Variants in ZBTB38 observed in about 807,000 individuals in gnomAD.
The protein encoded by ZBTB38 is zinc finger and BTB domain-containing protein 38.
ZBTB38 carries 20 observed loss-of-function variants against 76.8 expected under a neutral mutation model. The observed-to-expected ratio is 0.26, with a 90% CI of 0.18 to 0.38. The LOEUF (loss-of-function observed/expected upper bound fraction) is 0.38, where lower values mean the gene tolerates loss of function less well. Ranked by LOEUF, ZBTB38 falls within the 10% of genes least tolerant of loss-of-function variation. The pLI, the probability that ZBTB38 is intolerant of heterozygous loss-of-function variation, is 1.00. For synonymous variants in ZBTB38, 504 were observed against 544.2 expected, an observed-to-expected ratio of 0.93 and a Z score of 1.03; for missense variants, 1,082 against 1,482.3, an observed-to-expected ratio of 0.73 and a Z score of 4.43.
At chr3:141,425,455 G>C (rs2076207523) in intron 5 of ZBTB38, among the ~76,000 whole-genome samples, 1 of 152,208 alleles carries the variant, frequency 6.6e-6, no homozygotes, top group Non-Finnish European at 1.5e-5. Context: ...GGAAAATACT[G>C]AATTTCCCTT....
intron 1 of ZBTB38, among the ~76,000 whole-genome samples, chr3:141,333,110 G>A (rs79600090): frequency 0.019 from 2,926 of 152,290 alleles, 54 homozygotes; most frequent in South Asian, 0.086. Context: ...TGGAGATCTG[G>A]CTCCTTTGTA....
intron 1 of ZBTB38, among the ~76,000 whole-genome samples, chr3:141,351,507 T>TTGA (rs1304889886): frequency 6.6e-6 from 1 of 151,948 alleles, no homozygotes; most frequent in Non-Finnish European, 1.5e-5. Context: ...GGAAGATTGC[T>TTGA]TGAGGCCAGG....
chr3:141,356,656 C>T (rs1160181706), intron 1 of ZBTB38, among the ~76,000 whole-genome samples: 1 of 151,338 alleles, frequency 6.6e-6, no homozygotes, highest in African/African-American at 2.4e-5. Context: ...TCCCTGCTCT[C>T]CTCATCGAGT....
chr3:141,352,849 C>T (rs1943558999), intron 1 of ZBTB38, among the ~76,000 whole-genome samples: 1 of 151,974 alleles, frequency 6.6e-6, no homozygotes, highest in African/African-American at 2.4e-5. Context: ...CCAGTGAGCC[C>T]AGATATCAAG....
chr3:141,395,226 GAAATAACAT>G (rs1205538342), intron 4 of ZBTB38, among the ~76,000 whole-genome samples: 1 of 152,182 alleles, frequency 6.6e-6, no homozygotes, highest in African/African-American at 2.4e-5. Context: ...CAGGAACAAG[GAAATAACAT>G]AATACAAAAA....
At chr3:141,327,139 A>T (rs1942698324) in intron 1 of ZBTB38, among the ~76,000 whole-genome samples, 1 of 152,200 alleles carries the variant, frequency 6.6e-6, no homozygotes, top group African/African-American at 2.4e-5. Flanking sequence ...AAGAAAGGAA[A>T]AGAAGCTGAA....
At chr3:141,329,803 G>A (rs1942789152) in intron 1 of ZBTB38, among the ~76,000 whole-genome samples, 1 of 151,324 alleles carries the variant, frequency 6.6e-6, no homozygotes. Context: ...TTTTTAATTA[G>A]AAAATTTTAG....
At chr3:141,434,596 TC>T (rs1272309975) in intron 5 of ZBTB38, among the ~76,000 whole-genome samples, 1 of 152,208 alleles carries the variant, frequency 6.6e-6, no homozygotes, top group African/African-American at 2.4e-5. Flanking sequence ...CTAAAGTGCC[TC>T]TATTTACATT....
chr3:141,357,129 C>A (rs1417680885), intron 1 of ZBTB38, among the ~76,000 whole-genome samples: 1 of 152,226 alleles, frequency 6.6e-6, no homozygotes, highest in Non-Finnish European at 1.5e-5. Context: ...GCCAATGCGA[C>A]AGGCAAATGA....
At chr3:141,419,378 C>A (rs957923540) in intron 5 of ZBTB38, among the ~76,000 whole-genome samples, 4 of 152,154 alleles carry the variant, frequency 2.6e-5, no homozygotes, top group Admixed American at 6.5e-5. Flanking sequence ...GTGGCAGATA[C>A]ATGTATGACA....
chr3:141,401,589 T>A (rs1045380290), intron 4 of ZBTB38, among the ~76,000 whole-genome samples: 1 of 149,494 alleles, frequency 6.7e-6, no homozygotes, highest in Non-Finnish European at 1.5e-5. Context: ...GACTTTTTAA[T>A]CCTTTTAAGC....
intron 4 of ZBTB38, chr3:141,394,486 A>C (rs1327480977): frequency 6.6e-6 from 1 of 152,242 alleles, no homozygotes; most frequent in East Asian, 1.9e-4. Flanking sequence ...CTATGTGATC[A>C]AGTGCTTTTG....
intron 2 of ZBTB38, among the ~76,000 whole-genome samples, chr3:141,372,426 A>G (rs556016617): frequency 6.6e-6 from 1 of 152,222 alleles, no homozygotes; most frequent in South Asian, 2.1e-4. Context: ...AGGCAGGTGG[A>G]TCACTTGAGG....
Position 141,445,248 on chromosome 3 carries a change from T to C in ZBTB38, c.2860T>C (p.Tyr954His). 6.2e-7 allele frequency: 1 copy of C among 1,613,958 alleles called. No individual in the cohort carries two copies. Among genetic ancestry groups the C allele is most frequent in the Non-Finnish European group, 8.5e-7 (1 of 1,180,002 alleles). The change falls in exon 6 of 6, where the codon TAC becomes CAC. Residue 954 changes from tyrosine to histidine, a missense_variant. Tyr to His is a moderately conservative substitution (Grantham distance 83). This residue lies in a region of ZBTB38 where 471 missense variants were observed against 581.0 expected (regional missense o/e 0.81). Transcript: ENST00000321464. The surrounding 1 kb of genome is among the most constrained non-coding windows in gnomAD (Gnocchi z 6.5). Reference protein sequence around the residue: ...GNRSPSHKCKYPAELDCAVGK... With the variant: ...GNRSPSHKCKHPAELDCAVGK... ...CAGGAGCCCGAGCCATAAATGTAAA[T>C]ACCCAGCAGAACTGGATTGCGCCGT...
intron 5 of ZBTB38, among the ~76,000 whole-genome samples, chr3:141,424,503 G>A (rs1200924186): frequency 6.6e-6 from 1 of 152,182 alleles, no homozygotes; most frequent in African/African-American, 2.4e-5. Flanking sequence ...CTGGGTGGCA[G>A]AGTGAGACCC....
chr3:141,346,640 G>A lies in ZBTB38; in HGVS notation c.-738-21981G>A, dbSNP rs547909697. On this transcript the variant is annotated intron_variant, in intron 1 of 7. Coordinates refer to the ZBTB38 transcript ENST00000509842. ...GAGTGCTACAGTGAGACGCTCAGAC[G>A]AGGGGTAAATAGGAAATGAGCCAGT... 3.6e-4 allele frequency among the ~76,000 whole-genome samples: 55 copies of A among 152,218 alleles called. No homozygotes were observed. The South Asian group carries it at 0.011, about 32-fold the overall frequency.
At position 141,343,134 on chromosome 3, in the gene ZBTB38, C is replaced by A. The variant is rs149482792; in HGVS notation, c.-739+18678C>A. On this transcript the variant is annotated intron_variant, in intron 1 of 7. Coordinates refer to the ZBTB38 transcript ENST00000509842. Reference sequence around the variant, plus strand: ...TGTCAGGATTGATCCAAGAGAACAGCAGCCATGTGGCTTGCTGGATCGGAG... The same window carrying A: ...TGTCAGGATTGATCCAAGAGAACAGAAGCCATGTGGCTTGCTGGATCGGAG... 8.1e-3 allele frequency among the ~76,000 whole-genome samples: 1,238 copies of A among 152,244 alleles called. 16 individuals carry two copies. The highest frequency in any genetic ancestry group is 0.021 in the African/African-American group (869 of 41,538).
At chr3:141,338,846 C>A (rs1943091188) in intron 1 of ZBTB38, among the ~76,000 whole-genome samples, 1 of 152,116 alleles carries the variant, frequency 6.6e-6, no homozygotes, top group South Asian at 2.1e-4. Context: ...AAGATGAGAT[C>A]TTTGCCCTTC....
intron 1 of ZBTB38, among the ~76,000 whole-genome samples, chr3:141,342,207 C>T (rs745847434): frequency 1.3e-5 from 2 of 151,898 alleles, no homozygotes; most frequent in African/African-American, 2.4e-5. Flanking sequence ...TGCCTATAGT[C>T]CCGGCTACTC....
Sources: gnomAD v4.1 joint callset for allele counts (sites outside exome capture counted in the v4.1 genomes callset) on GRCh38, gnomAD v4.1.1 for gene constraint, gnomAD v4.1.1 regional missense constraint, Gnocchi (gnomAD v3.1) non-coding constraint, MANE v1.5 for transcripts, NCBI Gene and HGNC (gene_info 2026-07-23, HGNC 2026-07-21) for gene names.